Variants in KAT6B observed in about 807,000 individuals in gnomAD.
KAT6B encodes the protein histone acetyltransferase KAT6B.
A neutral mutation model predicts 187.5 loss-of-function variants in KAT6B; 10 were observed. The ratio of observed to expected loss-of-function variants is 0.05; its 90% CI spans 0.03 to 0.09. The LOEUF (loss-of-function observed/expected upper bound fraction) is 0.09, where lower values mean the gene tolerates loss of function less well. Ranked by LOEUF, KAT6B falls within the 10% of genes least tolerant of loss-of-function variation. The probability of loss-of-function intolerance (pLI) is 1.00; values close to 1 mark genes in which losing one functional copy is unlikely to be tolerated. For synonymous variants in KAT6B, 861 were observed against 926.8 expected (o/e 0.93, Z 1.29); for missense variants, 1,952 against 2,558.9 (o/e 0.76, Z 5.12).
At chr10:74,916,532 A>G (rs182002703) in intron 3 of KAT6B, among the ~76,000 whole-genome samples, 11 of 152,310 alleles carry the variant, frequency 7.2e-5, no homozygotes, top group Non-Finnish European at 8.8e-5. Flanking sequence ...CTGTGTATCA[A>G]CTGGTTTTAT....
chr10:74,855,992 C>T (rs1433507453), intron 3 of KAT6B, among the ~76,000 whole-genome samples: 1 of 152,146 alleles, frequency 6.6e-6, no homozygotes, highest in Non-Finnish European at 1.5e-5. Context: ...AAAATGTTCT[C>T]TTATATACTA....
intron 3 of KAT6B, among the ~76,000 whole-genome samples, chr10:74,895,433 G>T (rs927111590): frequency 8.6e-5 from 13 of 151,798 alleles, no homozygotes; most frequent in African/African-American, 3.1e-4. Context: ...GAAATAATAT[G>T]ACAGATTTTG....
At chr10:74,968,167 G>A (rs1258522670) in intron 4 of KAT6B, among the ~76,000 whole-genome samples, 2 of 152,170 alleles carry the variant, frequency 1.3e-5, no homozygotes, top group African/African-American at 4.8e-5. Flanking sequence ...AAGTCGACAA[G>A]CAAGCTGTCT....
chr10:74,933,871 TCA>T (rs1219510866), intron 3 of KAT6B, among the ~76,000 whole-genome samples: 1 of 152,142 alleles, frequency 6.6e-6, no homozygotes, highest in Non-Finnish European at 1.5e-5. Context: ...ACATACATCC[TCA>T]CAGAGTAAGA....
chr10:74,895,250 T>G (rs1350677643), intron 3 of KAT6B, among the ~76,000 whole-genome samples: 1 of 152,122 alleles, frequency 6.6e-6, no homozygotes, highest in Non-Finnish European at 1.5e-5. Flanking sequence ...TTGTTGTTTT[T>G]TTGATTTGTA....
At chr10:74,905,878 C>T (rs1846724161) in intron 3 of KAT6B, among the ~76,000 whole-genome samples, 1 of 152,192 alleles carries the variant, frequency 6.6e-6, no homozygotes, top group East Asian at 1.9e-4. Context: ...CCATCCATGC[C>T]TTGCAATGCC....
chr10:75,018,843 G>C (rs1845179369), intron 13 of KAT6B, among the ~76,000 whole-genome samples: 1 of 152,166 alleles, frequency 6.6e-6, no homozygotes, highest in African/African-American at 2.4e-5. Context: ...ATGGACAAAA[G>C]GGAATGGTTC....
intron 2 of KAT6B, among the ~76,000 whole-genome samples, 184 bp downstream of exon 2, chr10:74,838,936 C>T (rs1321027341): frequency 1.3e-5 from 2 of 152,054 alleles, no homozygotes; most frequent in Admixed American, 6.6e-5. Context: ...GGGCGGATCA[C>T]GAGATCAGGA....
chr10:74,894,865 C>T (rs1268716670), intron 3 of KAT6B, among the ~76,000 whole-genome samples: 1 of 152,118 alleles, frequency 6.6e-6, no homozygotes, highest in Non-Finnish European at 1.5e-5. Flanking sequence ...GTGAACACTA[C>T]TGCAGTGAAC....
chr10:74,992,227 G>A (rs903855224), intron 13 of KAT6B, among the ~76,000 whole-genome samples: 2 of 152,136 alleles, frequency 1.3e-5, no homozygotes, highest in Admixed American at 1.3e-4. Flanking sequence ...CACGATACGA[G>A]CAGGGAGAAA....
chr10:74,936,608 A>C (rs1589660739), intron 3 of KAT6B, among the ~76,000 whole-genome samples: 1 of 152,192 alleles, frequency 6.6e-6, no homozygotes, highest in Non-Finnish European at 1.5e-5. Flanking sequence ...TTAGAAAACA[A>C]ATAATTTTAG....
At chr10:74,860,225 A>G (rs935220206) in intron 3 of KAT6B, among the ~76,000 whole-genome samples, 2 of 152,148 alleles carry the variant, frequency 1.3e-5, no homozygotes, top group Non-Finnish European at 2.9e-5. Flanking sequence ...GTCTCTGACC[A>G]CTTAGGTTCC....
intron 3 of KAT6B, among the ~76,000 whole-genome samples, chr10:74,852,748 T>C (rs922942970): frequency 1.3e-5 from 2 of 152,224 alleles, no homozygotes; most frequent in African/African-American, 4.8e-5. Context: ...GTTGTTCAAA[T>C]GAATGTTAAA....
Position 74,843,486 on chromosome 10 carries a change from A to G in KAT6B, c.621+8A>G, listed in dbSNP as rs748031610. ...CCCCATGAGAAAGACCAGGTAAGCG[A>G]AGGAGTAATGTTCGTGCATTCTCAC... On this transcript the variant is annotated splice_region_variant and intron_variant, in intron 3 of 17. Transcript: ENST00000287239. 1.9e-6 allele frequency: 3 copies of G among 1,612,986 alleles called. No homozygotes were observed. In the South Asian group the frequency reaches 3.3e-5, roughly 18 times the overall value.
chr10:74,897,897 G>A lies in KAT6B; in HGVS notation c.621+54419G>A, dbSNP rs574370464. ...GTTTCATTCTTTAGAACTTGAAAACGCCATAGGCAATTAGCTATAATTCAT... is the reference window on the plus strand; with the variant it reads ...GTTTCATTCTTTAGAACTTGAAAACACCATAGGCAATTAGCTATAATTCAT... On this transcript the variant is annotated intron_variant, in intron 3 of 17. Transcript: ENST00000287239. 5.9e-5 allele frequency among the ~76,000 whole-genome samples: 9 copies of A among 152,144 alleles called. No homozygotes were observed. The South Asian group carries it at 6.2e-4, about 11-fold the overall frequency.
At chr10:74,840,629 T>C (rs2132050898) in intron 2 of KAT6B, among the ~76,000 whole-genome samples, 1 of 152,328 alleles carries the variant, frequency 6.6e-6, no homozygotes, top group East Asian at 1.9e-4. Context: ...ATTGCCCATC[T>C]ATTTGGGATA....
intron 3 of KAT6B, among the ~76,000 whole-genome samples, chr10:74,876,966 G>A (rs1844461271): frequency 6.6e-6 from 1 of 151,844 alleles, no homozygotes; most frequent in Non-Finnish European, 1.5e-5. Context: ...TTTGGCCCTT[G>A]TCAGGGACAG....
intron 3 of KAT6B, among the ~76,000 whole-genome samples, chr10:74,851,368 T>C (rs1326907056): frequency 7.0e-6 from 1 of 143,188 alleles, no homozygotes; most frequent in African/African-American, 2.6e-5. Flanking sequence ...GGAGTCTTGC[T>C]ATGTTGCCAG....
chr10:75,012,120 G>T (rs2134067850), intron 13 of KAT6B, among the ~76,000 whole-genome samples: 1 of 152,280 alleles, frequency 6.6e-6, no homozygotes, highest in African/African-American at 2.4e-5. Flanking sequence ...TGCAGGCAGG[G>T]TCGAGAACCA....
Sources: allele counts gnomAD v4.1 joint callset (sites outside exome capture counted in the v4.1 genomes callset), GRCh38; gene constraint gnomAD v4.1.1; transcripts MANE v1.5; gene names NCBI Gene and HGNC (gene_info 2026-07-23, HGNC 2026-07-21).